Variants in SIAH3 observed in about 807,000 individuals in gnomAD.
SIAH3 encodes seven in absentia homolog 3.
In SIAH3, 9 loss-of-function variants were observed where a neutral mutation model predicts 12.6. That is an observed-to-expected ratio of 0.72 (90% CI 0.43 to 1.25). The LOEUF (loss-of-function observed/expected upper bound fraction) is 1.25, where lower values mean the gene tolerates loss of function less well. Ranked by LOEUF, SIAH3 falls within the 50% of genes most tolerant of loss-of-function variation. The probability of loss-of-function intolerance (pLI) is 0.00; values close to 1 mark genes in which losing one functional copy is unlikely to be tolerated. For missense variants in SIAH3, 390 were observed against 365.4 expected, an observed-to-expected ratio of 1.07 and a Z score of -0.55; for synonymous variants, 154 against 151.1, an observed-to-expected ratio of 1.02 and a Z score of -0.14.
intron 1 of SIAH3, among the ~76,000 whole-genome samples, chr13:45,801,972 T>C (rs1423008778): frequency 2.6e-5 from 4 of 152,280 alleles, no homozygotes; most frequent in South Asian, 2.1e-4. Context: ...GAAACTGTGA[T>C]ATTACACAGA....
chr13:45,827,512 G>A (rs551762393), intron 1 of SIAH3, among the ~76,000 whole-genome samples: 12 of 152,262 alleles, frequency 7.9e-5, no homozygotes, highest in African/African-American at 2.9e-4. Flanking sequence ...CTACAGACAT[G>A]TCCAATCCAG....
chr13:45,797,661 T>C (rs1275979664), intron 1 of SIAH3, among the ~76,000 whole-genome samples: 2 of 152,180 alleles, frequency 1.3e-5, no homozygotes, highest in African/African-American at 4.8e-5. Context: ...ACAGCAGGTC[T>C]GGCATGGGGC....
At chr13:45,825,424 C>T (rs536332587) in intron 1 of SIAH3, among the ~76,000 whole-genome samples, 27 of 152,254 alleles carry the variant, frequency 1.8e-4, no homozygotes, top group African/African-American at 5.3e-4. Context: ...GAGAAAAGAC[C>T]TCACACCACA....
At chr13:45,800,532 C>G (rs1950578108) in intron 1 of SIAH3, among the ~76,000 whole-genome samples, 1 of 152,202 alleles carries the variant, frequency 6.6e-6, no homozygotes, top group African/African-American at 2.4e-5. Context: ...GGCCCAATCT[C>G]TTGACCTCTG....
intron 1 of SIAH3, among the ~76,000 whole-genome samples, chr13:45,790,127 GCCTCTGAAATA>G (rs1488939512): frequency 1.3e-5 from 2 of 152,170 alleles, no homozygotes; most frequent in African/African-American, 4.8e-5. Flanking sequence ...TTGGAATCTT[GCCTCTGAAATA>G]CCACTGCATA....
In SIAH3 at chr13:45,786,455, G is replaced by A. The variant is rs540916772; in HGVS notation, c.136-2398C>T. On this transcript the variant is annotated intron_variant, in intron 1 of 1. Transcript: ENST00000400405. ...CTCCTAAGGGCTGCAGCTGGGAATG[G>A]GGCCCAGATCAGTTAATGGTGACAG... is the stretch of plus-strand genomic sequence containing the variant. 7.0e-4 allele frequency among the ~76,000 whole-genome samples: 106 copies of A among 152,294 alleles called. 2 individuals carry two copies. In the South Asian group the frequency reaches 0.017, roughly 25 times the overall value.
chr13:45,843,028 C>CTGTGTGTGTG (rs1340055644), intron 1 of SIAH3, among the ~76,000 whole-genome samples: 34 of 62,874 alleles, frequency 5.4e-4, no homozygotes, highest in African/African-American at 1.7e-3. Flanking sequence ...TTCTCTCTCT[C>CTGTGTGTGTG]TCTCTCTGTG....
intron 1 of SIAH3, among the ~76,000 whole-genome samples, chr13:45,822,520 A>ATATATATATATAT (rs1950659162): frequency 1.2e-5 from 1 of 85,420 alleles, no homozygotes; most frequent in Admixed American, 1.6e-4. Context: ...TTCATTATCA[A>ATATATATATATAT]ATATATATAT....
chr13:45,847,648 T>TGTGTGTGC (rs764131044), intron 1 of SIAH3, among the ~76,000 whole-genome samples: 4 of 150,626 alleles, frequency 2.7e-5, no homozygotes, highest in South Asian at 2.1e-4. Context: ...TGTGTGTGTG[T>TGTGTGTGC]GCACGTGTGT....
At chr13:45,840,639 C>T (rs1460753174) in intron 1 of SIAH3, among the ~76,000 whole-genome samples, 1 of 152,178 alleles carries the variant, frequency 6.6e-6, no homozygotes, top group Non-Finnish European at 1.5e-5. Context: ...TAGAGAAGCA[C>T]AGAGGATGCT....
chr13:45,810,107 AGAC>A (rs1374356475), intron 1 of SIAH3, among the ~76,000 whole-genome samples: 1 of 152,170 alleles, frequency 6.6e-6, no homozygotes, highest in African/African-American at 2.4e-5. Context: ...AAGGTCACTT[AGAC>A]AACAGGGCCC....
At chr13:45,789,595 C>G (rs912586096) in intron 1 of SIAH3, among the ~76,000 whole-genome samples, 1 of 152,076 alleles carries the variant, frequency 6.6e-6, no homozygotes, top group Admixed American at 6.6e-5. Context: ...TTAGTAGGGA[C>G]GGGGTTTCAC....
intron 1 of SIAH3, among the ~76,000 whole-genome samples, chr13:45,793,978 A>T (rs1299835225): frequency 6.6e-6 from 1 of 152,208 alleles, no homozygotes; most frequent in Admixed American, 6.5e-5. Context: ...GTGAAGATGG[A>T]GGTAGAGATT....
intron 1 of SIAH3, among the ~76,000 whole-genome samples, chr13:45,828,883 C>T (rs1950688484): frequency 6.6e-6 from 1 of 151,932 alleles, no homozygotes; most frequent in Admixed American, 6.5e-5. Context: ...TCAGTGAAAA[C>T]AAGTGGTATT....
chr13:45,790,832 G>A (rs1412350519), intron 1 of SIAH3, among the ~76,000 whole-genome samples: 1 of 152,172 alleles, frequency 6.6e-6, no homozygotes, highest in Non-Finnish European at 1.5e-5. Flanking sequence ...AAGTAGTTAA[G>A]CAGCAGTTAA....
rs9534218 is a variant in SIAH3, at chr13:45,793,681, G to A, written c.136-9624C>T. ...CCTGTTACCCTAACACAATTCAACC[G>A]CTTCTCTTCATCTGACAGCAGTCAC... On this transcript the variant is annotated intron_variant, in intron 1 of 1. Transcript: ENST00000400405. 6.0e-4 allele frequency among the ~76,000 whole-genome samples: 91 copies of A among 152,052 alleles called. 1 individual carries two copies. Among genetic ancestry groups the A allele is most frequent in the Admixed American group, 9.2e-4 (14 of 15,284 alleles).
chr13:45,829,680 G>A (rs188639827), intron 1 of SIAH3, among the ~76,000 whole-genome samples: 7 of 152,144 alleles, frequency 4.6e-5, no homozygotes, highest in African/African-American at 1.4e-4. Flanking sequence ...CTGCGCTCCC[G>A]CCCCCAGAGA....
intron 1 of SIAH3, among the ~76,000 whole-genome samples, chr13:45,825,384 C>T (rs565570934): frequency 6.6e-6 from 1 of 152,266 alleles, no homozygotes; most frequent in Non-Finnish European, 1.5e-5. Flanking sequence ...TCTGGGAGCA[C>T]TGCGTTAACA....
chr13:45,792,849 T>C (rs1950550594), intron 1 of SIAH3, among the ~76,000 whole-genome samples: 1 of 152,258 alleles, frequency 6.6e-6, no homozygotes, highest in Non-Finnish European at 1.5e-5. Context: ...CTCTATTCTT[T>C]GGCTCTGCTT....
Sources: gnomAD v4.1 joint callset for allele counts (sites outside exome capture counted in the v4.1 genomes callset) on GRCh38, gnomAD v4.1.1 for gene constraint, MANE v1.5 for transcripts, NCBI Gene and HGNC (gene_info 2026-07-23, HGNC 2026-07-21) for gene names.